Variants in IGFBP7 observed in about 807,000 individuals in gnomAD.
IGFBP7 encodes insulin like growth factor binding protein 7, also known as insulin-like growth factor-binding protein 7.
Under a neutral mutation model 29.4 loss-of-function variants are expected in IGFBP7, and 31 were observed. That is an observed-to-expected ratio of 1.05 (90% CI 0.79 to 1.42). The LOEUF (loss-of-function observed/expected upper bound fraction) is 1.42. IGFBP7 is among the 40% of genes most tolerant of loss of function. The pLI is 0.00. For synonymous variants in IGFBP7, 172 were observed against 174.9 expected (o/e 0.98, Z 0.13); for missense variants, 393 against 395.5 (o/e 0.99, Z 0.05).
chr4:57,054,069 C>T (rs1244410733), intron 1 of IGFBP7, among the ~76,000 whole-genome samples: 3 of 151,958 alleles, frequency 2.0e-5, no homozygotes, highest in Admixed American at 2.0e-4. Context: ...CTTGGACTCC[C>T]AGGAGTCCAA....
chr4:57,057,575 G>C (rs995531863), intron 1 of IGFBP7, among the ~76,000 whole-genome samples: 2 of 152,196 alleles, frequency 1.3e-5, no homozygotes, highest in African/African-American at 4.8e-5. Flanking sequence ...TCATTCTTTA[G>C]AGGCACGAGG....
At chr4:57,072,889 C>T (rs762582667) in intron 1 of IGFBP7, 95 of 677,078 alleles carry the variant, frequency 1.4e-4, no homozygotes, top group Non-Finnish European at 2.1e-4. Context: ...TGAAGTTCCT[C>T]ACGCCCTGCT....
At chr4:57,083,579 T>C (rs896971234) in intron 1 of IGFBP7, among the ~76,000 whole-genome samples, 1 of 152,218 alleles carries the variant, frequency 6.6e-6, no homozygotes, top group Non-Finnish European at 1.5e-5. Flanking sequence ...TCCAGGCTAT[T>C]ACTGTCTTCC....
intron 1 of IGFBP7, among the ~76,000 whole-genome samples, chr4:57,098,784 T>C (rs955069635): frequency 6.6e-5 from 10 of 152,176 alleles, no homozygotes; most frequent in Non-Finnish European, 1.3e-4. Context: ...TATGGCTTCC[T>C]GAGGGGGGTC....
chr4:57,039,942 C>A (rs201629393), intron 2 of IGFBP7, among the ~76,000 whole-genome samples: 34 of 147,980 alleles, frequency 2.3e-4, no homozygotes, highest in African/African-American at 8.2e-4. Context: ...TTTTTTTTTT[C>A]TTTTTTTCCA....
At chr4:57,042,091 G>A (rs1308797689) in intron 1 of IGFBP7, among the ~76,000 whole-genome samples, 1 of 152,200 alleles carries the variant, frequency 6.6e-6, no homozygotes, top group Non-Finnish European at 1.5e-5. Context: ...TGGGGCCACT[G>A]AGAGAGGCCA....
intron 1 of IGFBP7, among the ~76,000 whole-genome samples, chr4:57,068,394 G>C (rs762904946): frequency 6.6e-6 from 1 of 151,952 alleles, no homozygotes; most frequent in Non-Finnish European, 1.5e-5. Context: ...TTCCCCTATA[G>C]CAAAGATGTG....
chr4:57,047,588 T>C (rs1724393458), intron 1 of IGFBP7, among the ~76,000 whole-genome samples: 1 of 152,158 alleles, frequency 6.6e-6, no homozygotes, highest in African/African-American at 2.4e-5. Flanking sequence ...GGAACAAAAT[T>C]ACATTTGTAC....
chr4:57,057,060 T>G (rs927261376), intron 1 of IGFBP7, among the ~76,000 whole-genome samples: 3 of 152,164 alleles, frequency 2.0e-5, no homozygotes, highest in Admixed American at 6.5e-5. Flanking sequence ...GGATGGAGTA[T>G]AGTAGCACGA....
intron 1 of IGFBP7, among the ~76,000 whole-genome samples, chr4:57,085,622 C>T (rs1192959879): frequency 3.3e-5 from 5 of 152,086 alleles, no homozygotes; most frequent in Non-Finnish European, 5.9e-5. Flanking sequence ...GCTTTCATTG[C>T]AGGTAGGGAT....
At chr4:57,040,711 T>C in intron 2 of IGFBP7, 113 bp downstream of exon 2, 1 of 801,654 alleles carries the variant, frequency 1.2e-6, no homozygotes, top group Non-Finnish European at 2.1e-6. Flanking sequence ...AGGCTTCACC[T>C]TGCGGGAGCC....
At chr4:57,032,846 C>T (rs1258717425) in intron 3 of IGFBP7, among the ~76,000 whole-genome samples, 1 of 152,164 alleles carries the variant, frequency 6.6e-6, no homozygotes, top group African/African-American at 2.4e-5. Flanking sequence ...GGTATATGAT[C>T]AAAGTATTCT....
chr4:57,092,781 G>A (rs1043013764), intron 1 of IGFBP7, among the ~76,000 whole-genome samples: 5 of 150,288 alleles, frequency 3.3e-5, no homozygotes, highest in Non-Finnish European at 7.4e-5. Context: ...TGAATTAAAA[G>A]GTTATTTATG....
chr4:57,085,045 T>A (rs1244936813), intron 1 of IGFBP7, among the ~76,000 whole-genome samples: 1 of 152,070 alleles, frequency 6.6e-6, no homozygotes, highest in Non-Finnish European at 1.5e-5. Context: ...CACCTTGGAT[T>A]CCCAAAGTGC....
chr4:57,085,836 T>G (rs6827768), intron 1 of IGFBP7, among the ~76,000 whole-genome samples: 1 of 152,092 alleles, frequency 6.6e-6, no homozygotes, highest in Admixed American at 6.5e-5. Context: ...AAACAGTAAC[T>G]TGCTTTCTGT....
intron 1 of IGFBP7, among the ~76,000 whole-genome samples, chr4:57,095,829 C>T (rs1010582662): frequency 5.9e-5 from 9 of 152,114 alleles, no homozygotes; most frequent in South Asian, 4.1e-4. Flanking sequence ...TGAGCAGAGC[C>T]GCCTCTCCCT....
intron 1 of IGFBP7, chr4:57,072,558 T>A: frequency 4.2e-6 from 1 of 238,052 alleles, no homozygotes; most frequent in Non-Finnish European, 8.3e-6. Context: ...TCAGTTGCAG[T>A]TGTGTTCTTT....
At chr4:57,104,169 G>T (rs1725967015) in intron 1 of IGFBP7, among the ~76,000 whole-genome samples, 1 of 151,614 alleles carries the variant, frequency 6.6e-6, no homozygotes, top group Admixed American at 6.6e-5. Context: ...CTCATGTTGT[G>T]GCAATGACAA....
chr4:57,104,177 CA>C (rs1725967116), intron 1 of IGFBP7, among the ~76,000 whole-genome samples: 1 of 151,996 alleles, frequency 6.6e-6, no homozygotes, highest in South Asian at 2.1e-4. Flanking sequence ...GTGGCAATGA[CA>C]AAGTTTCCTT....
Sources: gnomAD v4.1 joint callset for allele counts (sites outside exome capture counted in the v4.1 genomes callset) on GRCh38, gnomAD v4.1.1 for gene constraint, MANE v1.5 for transcripts, NCBI Gene and HGNC (gene_info 2026-07-23, HGNC 2026-07-21) for gene names.